Variants in ITGA10 observed in about 807,000 individuals in gnomAD.
ITGA10 encodes integrin subunit alpha 10.
A neutral mutation model predicts 145.2 loss-of-function variants in ITGA10; 105 were observed. The ratio of observed to expected loss-of-function variants is 0.72; its 90% CI spans 0.62 to 0.85. The LOEUF (loss-of-function observed/expected upper bound fraction) is 0.85. ITGA10 is among the 40% of genes least tolerant of loss of function. The pLI is 0.00. For missense variants in ITGA10, 1,317 were observed against 1,444.5 expected (o/e 0.91, Z 1.43); for synonymous variants, 506 against 557.8 (o/e 0.91, Z 1.31).
Position 145,899,192 on chromosome 1 carries a change from C to A in ITGA10, c.2072G>T (p.Arg691Leu), listed in dbSNP as rs2274618. 13 of 1,614,068 alleles carry A rather than the reference C, an allele frequency of 8.1e-6. No individual in the cohort carries two copies. The highest frequency in any genetic ancestry group is 1.1e-5 in the South Asian group (1 of 91,088). ...TCACTCACAGAATTGGTGATCCCAGCGACCAGGAGTACGGGAGGTCACTTG... is the reference window on the plus strand; with the variant it reads ...TCACTCACAGAATTGGTGATCCCAGAGACCAGGAGTACGGGAGGTCACTTG... The part of the protein sequence containing the change: ...CFQVTSRTPG[R>L]WDHQFYMRFT... Residue 691 changes from arginine (R) to leucine (L), a missense_variant, in exon 16 of 30, where the codon CGC becomes CTC. Coordinates refer to ENST00000369304, the MANE Select transcript of ITGA10 (RefSeq NM_003637.5).
chr1:145,901,930 A>G lies in ITGA10; in HGVS notation c.1241T>C (p.Met414Thr). ...EGGHRLFPPR[M>T]ALEDEFPPAL... Reference sequence around the variant, plus strand: ...AGGGGGGAACTCGTCTTCCAGTGCCATTCGTGGGGGGAAAAGGCGGTGGCC... The same window carrying G: ...AGGGGGGAACTCGTCTTCCAGTGCCGTTCGTGGGGGGAAAAGGCGGTGGCC... The change falls in exon 11 of 30, where the codon ATG (methionine) becomes ACG (threonine). Residue 414 changes from methionine (M) to threonine (T), a missense_variant. Met to Thr is a moderately conservative substitution (Grantham distance 81, BLOSUM62 -1). Transcript: ENST00000369304. The surrounding 1 kb of genome is among the most constrained non-coding windows in gnomAD (Gnocchi z 4.3). The G allele has an allele frequency of 6.2e-7, 1 of 1,614,170 alleles. No homozygotes were observed. The highest frequency in any genetic ancestry group is 8.5e-7 in the Non-Finnish European group (1 of 1,180,028).
chr1:145,901,524 C>T lies in ITGA10; in HGVS notation c.1435G>A (p.Gly479Arg), dbSNP rs782377831. ...GAVRVAQSLQ[G>R]EQIGSYFGSE... ...TTCCTTGGATGCCCTACCTGCTCCC[C>T]CTGGAGGCTCTGGGCAACCCTCACA... Residue 479 changes from glycine (G) to arginine (R), a missense_variant, in exon 12 of 30, where the codon GGG becomes AGG. By Grantham distance (125) the Gly-to-Arg change is moderately radical (BLOSUM62 -2). Coordinates refer to ENST00000369304, the MANE Select transcript of ITGA10 (RefSeq NM_003637.5). This position sits in a 1 kb window ranked among gnomAD's most constrained non-coding sequence, Gnocchi z 4.3. The T allele has an allele frequency of 6.4e-7, 1 of 1,574,386 alleles. No individual in the cohort carries two copies. The highest frequency in any genetic ancestry group is 8.6e-7 in the Non-Finnish European group (1 of 1,163,358).
rs1559209534 is a variant in ITGA10, at chr1:145,904,122, TCAC to T, written c.685_687del (p.Val229del). 1.9e-6 allele frequency: 3 copies of T among 1,614,174 alleles called. No individual in the cohort carries two copies. Among genetic ancestry groups the T allele is most frequent in the Non-Finnish European group, 2.5e-6 (3 of 1,180,014 alleles). On this transcript the variant is annotated inframe_deletion, in exon 7 of 30. Coordinates refer to ENST00000369304, the MANE Select transcript of ITGA10 (RefSeq NM_003637.5). Reference sequence around the variant, plus strand: ...CGCCGACTGAGGTTCTTTGCTGCTCTCACCACTTCTTCCTTCGTTCGGAAATCT... The same window carrying T: ...CGCCGACTGAGGTTCTTTGCTGCTCTCACTTCTTCCTTCGTTCGGAAATCT...
At chr1:145,893,666 A>C (rs782382303) in intron 27 of ITGA10, 31 bp from the exon 28 acceptor site, 1 of 1,541,272 alleles carries the variant, frequency 6.5e-7, no homozygotes, top group Admixed American at 1.7e-5. Flanking sequence ...AAGACATTTA[A>C]AATGAGCCAT....
rs961828757 is a variant in ITGA10 at position 145,892,650 on chromosome 1, C to T, written c.*148G>A. 7 of 633,682 alleles carry T rather than the reference C, an allele frequency of 1.1e-5. No individual in the cohort carries two copies. The highest frequency in any genetic ancestry group is 2.0e-5 in the Non-Finnish European group (7 of 354,750). The allele number at this position is 633,682 out of a possible 1,614,324, so 39.3% of individuals were successfully genotyped here. ...GCCTCATCTCTAGCCAGCAGCATCC[C>T]TAGGACTCAAAAGTCAAGTCAGGCT... On this transcript the variant is annotated 3_prime_UTR_variant, in exon 30 of 30. Transcript: ENST00000369304.
chr1:145,902,109 G>A, intron 10 of ITGA10, 88 bp from the exon 11 acceptor site: 1 of 1,584,788 alleles, frequency 6.3e-7, no homozygotes. Flanking sequence ...GATCACTGAG[G>A]GTCTGCTGGG....
rs781933625 is a variant in ITGA10, at chr1:145,892,753, T to C, written c.*45A>G. Reference sequence around the variant, plus strand: ...AAACCTCTGCTTTTATGCAAGTCTCTTGAAGAAGCTGCCAGGGAGGACTTT... The same window carrying C: ...AAACCTCTGCTTTTATGCAAGTCTCCTGAAGAAGCTGCCAGGGAGGACTTT... On this transcript the variant is annotated 3_prime_UTR_variant, in exon 30 of 30. Coordinates refer to ENST00000369304, the MANE Select transcript of ITGA10 (RefSeq NM_003637.5). 25 of 1,462,602 alleles carry C rather than the reference T, an allele frequency of 1.7e-5. No homozygotes were observed. The highest frequency in any genetic ancestry group is 1.7e-4 in the Middle Eastern group (1 of 5,772). The allele number at this position is 1,462,602 out of a possible 1,614,324, so 90.6% of individuals were successfully genotyped here. A position where few individuals can be genotyped will look rare whatever the true frequency, so the allele number is the denominator to read the frequency against.
rs1172382994 is a variant in ITGA10 at position 145,907,115 on chromosome 1, C to T, written c.200G>A (p.Gly67Asp). ...LVGAPWDGPS[G>D]DRRGDVYRCP... ...GCGATAAACGTCCCCCCTCCGGTCG[C>T]CTGAAGGCCCATCCCAGGGGGCGCC... is the stretch of plus-strand genomic sequence containing the variant. Residue 67 changes from glycine (G) to aspartate (D), a missense_variant, in exon 3 of 30, where the codon GGC (glycine) becomes GAC (aspartate). By Grantham distance (94) the Gly-to-Asp change is moderately conservative. Transcript: ENST00000369304. The T allele has an allele frequency of 6.4e-7, 1 of 1,563,240 alleles. No homozygotes were observed. The highest frequency in any genetic ancestry group is 8.7e-7 in the Non-Finnish European group (1 of 1,153,260).
Position 145,908,151 on chromosome 1 carries a change from C to A in ITGA10, c.53-686G>T, listed in dbSNP as rs1482696004. On this transcript the variant is annotated intron_variant, in intron 1 of 29. Transcript: ENST00000369304. ...AAGAGGGAGAGGGCCTTTCTGTATCCCCAGAACAACCATTGCTTCCAATTC... is the reference window on the plus strand; with the variant it reads ...AAGAGGGAGAGGGCCTTTCTGTATCACCAGAACAACCATTGCTTCCAATTC... 4.6e-5 allele frequency among the ~76,000 whole-genome samples: 7 copies of A among 152,152 alleles called. 1 individual carries two copies. The South Asian group carries it at 1.5e-3, about 32-fold the overall frequency.
chr1:145,897,532 G>T lies in ITGA10; in HGVS notation c.2554C>A (p.Leu852Met). The change falls in exon 20 of 30, where the codon CTG (leucine) becomes ATG (methionine). Residue 852 changes from leucine (L) to methionine (M), a missense_variant. Leu to Met is a conservative substitution (Grantham distance 15, BLOSUM62 2). Transcript: ENST00000369304. ...GGCACCTGAGGAGTGAGACTGGCCA[G>T]GTGGAGGTTTCTAGAGAAGATGAGA... is the stretch of plus-strand genomic sequence containing the variant. The part of the protein sequence containing the change: ...LSLIFSRNLH[L>M]ASLTPQRESP... 6.2e-7 allele frequency: 1 copy of T among 1,614,132 alleles called. No individual in the cohort carries two copies. The highest frequency in any genetic ancestry group is 8.5e-7 in the Non-Finnish European group (1 of 1,180,024).
At chr1:145,900,289 T>G in intron 14 of ITGA10, 102 bp from the exon 15 acceptor site, 1 of 1,311,212 alleles carries the variant, frequency 7.6e-7, no homozygotes, top group Non-Finnish European at 1.0e-6. Context: ...ATTTTTGAGA[T>G]GGAGTTTCAC....
Position 145,893,251 on chromosome 1 carries a change from G to C in ITGA10, c.3348C>G (p.Thr1116=). The change falls in exon 29 of 30, where the codon ACC becomes ACG. Residue 1116 remains threonine (T), a synonymous_variant. Transcript: ENST00000369304. ...WSESLLEVVQ[T]RPILISLWIL... is the part of the protein sequence containing the mutation. ...TCCACAGGGAGATGAGGATAGGCCGGGTCTGAACCACCTCCAAGAGGCTCT... is the reference window on the plus strand; with the variant it reads ...TCCACAGGGAGATGAGGATAGGCCGCGTCTGAACCACCTCCAAGAGGCTCT... 1 of 1,613,930 alleles carries C rather than the reference G, an allele frequency of 6.2e-7. No individual in the cohort carries two copies. The highest frequency in any genetic ancestry group is 1.1e-5 in the South Asian group (1 of 91,080).
In ITGA10 at chr1:145,892,784, C is replaced by T; in HGVS notation, c.*14G>A. On this transcript the variant is annotated 3_prime_UTR_variant, in exon 30 of 30. Coordinates refer to ENST00000369304, the MANE Select transcript of ITGA10 (RefSeq NM_003637.5). ...AAGCTGCCAGGGAGGACTTTCTAGA[C>T]CCTTATTCTACATTCATTGCTCCAA... The T allele has an allele frequency of 6.2e-7, 1 of 1,603,744 alleles. No individual in the cohort carries two copies.
intron 21 of ITGA10, 34 bp from the exon 22 acceptor site, chr1:145,897,121 C>A (rs782227021): frequency 3.1e-6 from 5 of 1,591,270 alleles, no homozygotes; most frequent in Non-Finnish European, 4.3e-6. Context: ...ATGGTAGAGT[C>A]TTCCTCATGG....
chr1:145,901,694 G>T lies in ITGA10; in HGVS notation c.1295-30C>A. 1.9e-6 allele frequency: 3 copies of T among 1,540,110 alleles called. No homozygotes were observed. The highest frequency in any genetic ancestry group is 1.3e-5 in the South Asian group (1 of 78,028). On this transcript the variant is annotated intron_variant, in intron 11 of 29. Transcript: ENST00000369304. The surrounding 1 kb of genome is among the most constrained non-coding windows in gnomAD (Gnocchi z 4.3). ...AAGTGGGCAAAGTAACAGAGGTAAA[G>T]GAAAAGAAGATGGGGTCCAGAGTAG...
chr1:145,902,185 G>GT (rs1291104141), intron 10 of ITGA10, 61 bp downstream of exon 10: 137 of 1,583,918 alleles, frequency 8.6e-5, no homozygotes, highest in Non-Finnish European at 1.2e-4. Flanking sequence ...GGAGGGCCCT[G>GT]TGGTTGAAGT....
chr1:145,904,243 TGG>T, intron 6 of ITGA10, 43 bp from the exon 7 acceptor site: 1 of 1,598,358 alleles, frequency 6.3e-7, no homozygotes, highest in Non-Finnish European at 8.6e-7. Flanking sequence ...GTATGTGAGA[TGG>T]GGGGAGAGGA....
At chr1:145,903,102 T>G (rs1390198389) in intron 7 of ITGA10, 141 bp from the exon 8 acceptor site, 4 of 805,306 alleles carry the variant, frequency 5.0e-6, no homozygotes, top group Non-Finnish European at 7.6e-6. Context: ...AGGTCAGGCA[T>G]CTTGCCTTTT....
At chr1:145,907,585 C>T in intron 1 of ITGA10, 120 bp from the exon 2 acceptor site, 1 of 1,498,448 alleles carries the variant, frequency 6.7e-7, no homozygotes, top group African/African-American at 1.4e-5. Flanking sequence ...CACTCATAAG[C>T]TTTTCTGGCC....
Sources: gnomAD v4.1 joint callset for allele counts (sites outside exome capture counted in the v4.1 genomes callset) on GRCh38, gnomAD v4.1.1 for gene constraint, Gnocchi (gnomAD v3.1) non-coding constraint, MANE v1.5 for transcripts, NCBI Gene and HGNC (gene_info 2026-07-23, HGNC 2026-07-21) for gene names.